KIF21A: variants seen among roughly 807,000 people sequenced by gnomAD.
KIF21A encodes kinesin family member 21A.
Under a neutral mutation model 202.9 loss-of-function variants are expected in KIF21A, and 114 were observed. That is an observed-to-expected ratio of 0.56 (90% CI 0.48 to 0.66). KIF21A has a LOEUF of 0.66. KIF21A is among the 30% of genes least tolerant of loss of function. KIF21A has a pLI of 0.00. For missense variants in KIF21A, 1,677 were observed against 1,994.9 expected (o/e 0.84, Z 3.04); for synonymous variants, 667 against 670.8 (o/e 0.99, Z 0.09).
At position 39,341,601 on chromosome 12, in the gene KIF21A, C is replaced by G. The variant is rs1947450563; in HGVS notation, c.1825G>C (p.Asp609His). Residue 609 changes from aspartate (D) to histidine (H), a missense_variant, in exon 14 of 38, where the codon GAT (aspartate) becomes CAT (histidine). By Grantham distance (81) the Asp-to-His change is moderately conservative. This residue lies in a region of KIF21A where 966 missense variants were observed against 1,180.9 expected (regional missense o/e 0.82). Coordinates refer to ENST00000361418, the MANE Select transcript of KIF21A (RefSeq NM_001173464.2). ...LEVEESQEVS[D>H]HEDEEEEEEE... ...TCCTCCTCTTCTTCATCCTCATGAT[C>G]ACTCACTTCTTGACTTTCTTCCTAA... 6.2e-7 allele frequency: 1 copy of G among 1,610,330 alleles called. No individual in the cohort carries two copies. Among genetic ancestry groups the G allele is most frequent in the African/African-American group, 1.3e-5 (1 of 74,994 alleles).
intron 1 of KIF21A, among the ~76,000 whole-genome samples, chr12:39,415,021 T>G (rs1414157304): frequency 6.7e-6 from 1 of 149,638 alleles, no homozygotes; most frequent in African/African-American, 2.5e-5. Flanking sequence ...ATCAAAACAC[T>G]GCAAGTAACT....
chr12:39,306,137 G>T (rs1943450465), intron 34 of KIF21A, among the ~76,000 whole-genome samples: 1 of 152,092 alleles, frequency 6.6e-6, no homozygotes, highest in African/African-American at 2.4e-5. Flanking sequence ...ATAAAGACAT[G>T]TATCTAGCTT....
chr12:39,297,659 C>T (rs1194362681), intron 37 of KIF21A, among the ~76,000 whole-genome samples: 6 of 150,492 alleles, frequency 4.0e-5, no homozygotes, highest in South Asian at 2.1e-4. Context: ...GTGAGTGCAG[C>T]GCACCAGCAT....
chr12:39,341,550 C>T lies in KIF21A; in HGVS notation c.1876G>A (p.Gly626Arg), dbSNP rs1168393894. The change falls in exon 14 of 38, where the codon GGG becomes AGG. Residue 626 changes from glycine to arginine, a missense_variant. By Grantham distance (125) the Gly-to-Arg change is moderately radical. Coordinates refer to ENST00000361418, the MANE Select transcript of KIF21A (RefSeq NM_001173464.2). ...EEEEEEDDIDGGESSDESDSE... is the reference protein window; with the variant it reads ...EEEEEEDDIDRGESSDESDSE... ...TCTGATTCATCAGAACTTTCACCCC[C>T]ATCAATGTCATCTTCCTCCTCCTCC... is the stretch of plus-strand genomic sequence containing the variant. The T allele has an allele frequency of 6.2e-7, 1 of 1,612,832 alleles. No individual in the cohort carries two copies. The highest frequency in any genetic ancestry group is 1.7e-5 in the Admixed American group (1 of 59,974).
At chr12:39,402,507 A>T (rs1345504503) in intron 1 of KIF21A, among the ~76,000 whole-genome samples, 1 of 152,150 alleles carries the variant, frequency 6.6e-6, no homozygotes, top group African/African-American at 2.4e-5. Context: ...AGACCAGCCT[A>T]GGCAGGTAAC....
At chr12:39,361,570 G>A (rs1162054764) in intron 7 of KIF21A, among the ~76,000 whole-genome samples, 11 of 77,926 alleles carry the variant, frequency 1.4e-4, no homozygotes, top group African/African-American at 7.5e-4. Flanking sequence ...CTCCCAGGAT[G>A]GAGTGCAGTG....
At chr12:39,318,297 T>C in intron 28 of KIF21A, 96 bp from the exon 29 acceptor site, 1 of 1,181,192 alleles carries the variant, frequency 8.5e-7, no homozygotes, top group Non-Finnish European at 1.2e-6. Flanking sequence ...AAAAGCTTTT[T>C]ATTAGAGAAC....
chr12:39,315,035 T>C (rs1247394631), intron 31 of KIF21A, among the ~76,000 whole-genome samples, 194 bp downstream of exon 31: 1 of 152,004 alleles, frequency 6.6e-6, no homozygotes, highest in African/African-American at 2.4e-5. Flanking sequence ...TATTTCTCTA[T>C]TTGAATTAAT....
chr12:39,294,521 C>T lies in KIF21A; in HGVS notation c.4932-4G>A, dbSNP rs771052249. On this transcript the variant is annotated splice_region_variant and splice_polypyrimidine_tract_variant and intron_variant, in intron 37 of 37. Coordinates refer to ENST00000361418, the MANE Select transcript of KIF21A (RefSeq NM_001173464.2). ...CCAAATTCTCACAGTTCGATCACTACAAAAAAATAAACAAAACATGGATAT... is the reference window on the plus strand; with the variant it reads ...CCAAATTCTCACAGTTCGATCACTATAAAAAAATAAACAAAACATGGATAT... The T allele has an allele frequency of 5.0e-6, 8 of 1,609,616 alleles. No individual in the cohort carries two copies. The Admixed American group carries it at 1.0e-4, about 20-fold the overall frequency.
chr12:39,299,646 G>T (rs142647073), intron 37 of KIF21A, among the ~76,000 whole-genome samples: 1 of 152,000 alleles, frequency 6.6e-6, no homozygotes, highest in Non-Finnish European at 1.5e-5. Context: ...AAAGACACAC[G>T]CACACAAATG....
chr12:39,330,679 A>G, intron 23 of KIF21A, 67 bp downstream of exon 23: 1 of 1,359,538 alleles, frequency 7.4e-7, no homozygotes, highest in Non-Finnish European at 1.1e-6. Flanking sequence ...AAAGGGATAT[A>G]CTATACCATG....
chr12:39,311,632 T>C, intron 31 of KIF21A, 79 bp from the exon 32 acceptor site: 1 of 1,448,806 alleles, frequency 6.9e-7, no homozygotes, highest in Middle Eastern at 1.8e-4. Flanking sequence ...TTTTGTTTTT[T>C]TCCCCTAACT....
intron 22 of KIF21A, 115 bp from the exon 23 acceptor site, chr12:39,331,026 G>A (rs1313078690): frequency 1.9e-5 from 20 of 1,026,648 alleles, no homozygotes; most frequent in East Asian, 5.0e-5. Flanking sequence ...GATAGACCTC[G>A]AGTCATCCCA....
intron 32 of KIF21A, among the ~76,000 whole-genome samples, chr12:39,311,142 C>A: frequency 6.6e-6 from 1 of 151,912 alleles, no homozygotes; most frequent in East Asian, 1.9e-4. Context: ...TTTTATATAA[C>A]CTGCATTTCA....
chr12:39,308,467 C>T (rs1290101318), intron 33 of KIF21A, among the ~76,000 whole-genome samples: 4 of 152,076 alleles, frequency 2.6e-5, no homozygotes, highest in Non-Finnish European at 4.4e-5. Flanking sequence ...CACCACCCCA[C>T]TCCACCCAAG....
Position 39,302,953 on chromosome 12 carries a change from G to A in KIF21A, c.4731+12C>T, listed in dbSNP as rs551732526. On this transcript the variant is annotated intron_variant, in intron 36 of 37. Coordinates refer to ENST00000361418, the MANE Select transcript of KIF21A (RefSeq NM_001173464.2). Reference sequence around the variant, plus strand: ...AATGCCCACTCTATACCATGAAAAGGTTCTGCATTACCTGAAGAAGGTCTT... The same window carrying A: ...AATGCCCACTCTATACCATGAAAAGATTCTGCATTACCTGAAGAAGGTCTT... The A allele has an allele frequency of 1.2e-6, 2 of 1,610,828 alleles. No homozygotes were observed. Among genetic ancestry groups the A allele is most frequent in the East Asian group, 2.2e-5 (1 of 44,866 alleles).
intron 10 of KIF21A, among the ~76,000 whole-genome samples, chr12:39,355,942 A>T (rs1303955399): frequency 6.6e-6 from 1 of 151,900 alleles, no homozygotes; most frequent in Non-Finnish European, 1.5e-5. Flanking sequence ...TAGCCAGAGG[A>T]AGAGAAAGAG....
At chr12:39,343,834 T>C (rs879330557) in intron 12 of KIF21A, among the ~76,000 whole-genome samples, 3 of 152,164 alleles carry the variant, frequency 2.0e-5, no homozygotes, top group Admixed American at 2.0e-4. Context: ...TGGCACATAA[T>C]GAATGTGAAG....
At chr12:39,305,518 G>A (rs2137219384) in intron 34 of KIF21A, among the ~76,000 whole-genome samples, 1 of 152,160 alleles carries the variant, frequency 6.6e-6, no homozygotes, top group East Asian at 1.9e-4. Context: ...CCAGTAGCTG[G>A]GACTTATAGG....
Sources: gnomAD v4.1 joint callset for allele counts (sites outside exome capture counted in the v4.1 genomes callset) on GRCh38, gnomAD v4.1.1 for gene constraint, gnomAD v4.1.1 regional missense constraint, MANE v1.5 for transcripts, NCBI Gene and HGNC (gene_info 2026-07-23, HGNC 2026-07-21) for gene names.